Variants in RAPGEF4 observed in about 807,000 individuals in gnomAD.
The protein encoded by RAPGEF4 is RAP guanine-nucleotide-exchange factor (GEF) 4.
Under a neutral mutation model 147.9 loss-of-function variants are expected in RAPGEF4, and 66 were observed. The observed-to-expected ratio is 0.45, with a 90% CI of 0.37 to 0.55. The LOEUF (loss-of-function observed/expected upper bound fraction) is 0.55. RAPGEF4 is among the 20% of genes least tolerant of loss of function. The pLI is 0.00. For synonymous variants in RAPGEF4, 419 were observed against 442.7 expected (o/e 0.95, Z 0.67); for missense variants, 1,071 against 1,257.3 (o/e 0.85, Z 2.24).
chr2:173,010,538 C>T (rs990187814), intron 17 of RAPGEF4, among the ~76,000 whole-genome samples: 1 of 152,204 alleles, frequency 6.6e-6, no homozygotes, highest in Non-Finnish European at 1.5e-5. Flanking sequence ...TGAAATGTTA[C>T]TCTTTTTAGA....
intron 14 of RAPGEF4, among the ~76,000 whole-genome samples, 159 bp from the exon 15 acceptor site, chr2:172,990,649 CCT>C (rs1692737299): frequency 1.3e-5 from 2 of 152,168 alleles, no homozygotes; most frequent in Admixed American, 6.5e-5. Flanking sequence ...CTCATCTGGT[CCT>C]CTCTCTGACC....
At chr2:173,022,490 C>T (rs1310979807) in intron 23 of RAPGEF4, among the ~76,000 whole-genome samples, 1 of 152,218 alleles carries the variant, frequency 6.6e-6, no homozygotes, top group East Asian at 1.9e-4. Flanking sequence ...CTCTGGCTTT[C>T]TAAAGATTCC....
chr2:172,898,430 C>A (rs1234963763), intron 4 of RAPGEF4, among the ~76,000 whole-genome samples: 3 of 152,056 alleles, frequency 2.0e-5, no homozygotes, highest in African/African-American at 4.8e-5. Context: ...CTTTTTTGCC[C>A]CCCACCATTT....
At chr2:172,852,667 A>G (rs915981191) in intron 4 of RAPGEF4, among the ~76,000 whole-genome samples, 1 of 152,164 alleles carries the variant, frequency 6.6e-6, no homozygotes, top group Non-Finnish European at 1.5e-5. Context: ...GACCACCAGC[A>G]CAGGGGTGAA....
chr2:172,867,510 C>T (rs1256062955), intron 4 of RAPGEF4, among the ~76,000 whole-genome samples: 2 of 152,026 alleles, frequency 1.3e-5, no homozygotes, highest in Non-Finnish European at 2.9e-5. Context: ...GACTCTTGAC[C>T]CTTGAACATG....
intron 4 of RAPGEF4, among the ~76,000 whole-genome samples, chr2:172,908,526 G>A (rs1252293256): frequency 2.0e-5 from 3 of 152,218 alleles, no homozygotes; most frequent in Admixed American, 2.0e-4. Context: ...CTAACACTTC[G>A]TAGACAAATC....
intron 6 of RAPGEF4, among the ~76,000 whole-genome samples, chr2:172,949,028 G>A (rs986552859): frequency 2.6e-5 from 4 of 152,176 alleles, no homozygotes; most frequent in African/African-American, 9.7e-5. Flanking sequence ...GAACTGAAGG[G>A]AAATGTTATT....
intron 1 of RAPGEF4, among the ~76,000 whole-genome samples, chr2:172,752,711 A>G (rs79781902): frequency 0.015 from 2,301 of 152,328 alleles, 57 homozygotes; most frequent in African/African-American, 0.049. Context: ...GTGTGCAGCT[A>G]TAGAACATAC....
chr2:172,838,396 A>G (rs1467664306), intron 4 of RAPGEF4, among the ~76,000 whole-genome samples: 2 of 152,120 alleles, frequency 1.3e-5, no homozygotes, highest in East Asian at 3.8e-4. Flanking sequence ...TATCCCTGCA[A>G]TTAGGTTTAG....
At chr2:172,860,002 G>C (rs866484446) in intron 4 of RAPGEF4, 1 of 984,052 alleles carries the variant, frequency 1.0e-6, no homozygotes, top group South Asian at 4.7e-5. Flanking sequence ...AGGGAGGGGT[G>C]GGGGACAACA....
chr2:172,743,128 C>T (rs1574659920), intron 1 of RAPGEF4, among the ~76,000 whole-genome samples: 1 of 152,186 alleles, frequency 6.6e-6, no homozygotes, highest in South Asian at 2.1e-4. Context: ...CACGTTTGTG[C>T]ATCCTCAACA....
intron 4 of RAPGEF4, among the ~76,000 whole-genome samples, chr2:172,849,251 AT>A (rs1422699159): frequency 2.0e-5 from 3 of 152,236 alleles, no homozygotes; most frequent in African/African-American, 7.2e-5. Context: ...ATAAAAAACA[AT>A]ATGACAGAAC....
intron 4 of RAPGEF4, among the ~76,000 whole-genome samples, chr2:172,833,618 A>G (rs1690612248): frequency 1.3e-5 from 2 of 152,098 alleles, no homozygotes; most frequent in Non-Finnish European, 2.9e-5. Context: ...TCAGTACTCT[A>G]TTGGGTTGTA....
At chr2:172,789,407 G>A (rs1685578117) in intron 1 of RAPGEF4, among the ~76,000 whole-genome samples, 1 of 152,132 alleles carries the variant, frequency 6.6e-6, no homozygotes, top group Non-Finnish European at 1.5e-5. Flanking sequence ...TTATGATCCT[G>A]CGTTCTACAG....
At chr2:172,968,465 G>C (rs1690101305) in intron 10 of RAPGEF4, among the ~76,000 whole-genome samples, 1 of 152,268 alleles carries the variant, frequency 6.6e-6, no homozygotes, top group Non-Finnish European at 1.5e-5. Flanking sequence ...CTCTCTGAAG[G>C]CACTTTAATT....
chr2:172,959,014 CTT>C (rs1053410724), intron 6 of RAPGEF4, among the ~76,000 whole-genome samples: 1 of 152,108 alleles, frequency 6.6e-6, no homozygotes, highest in African/African-American at 2.4e-5. Flanking sequence ...AGAGGGAAAA[CTT>C]ATCAATTTAT....
intron 29 of RAPGEF4, among the ~76,000 whole-genome samples, chr2:173,043,441 T>C (rs986667094): frequency 2.0e-5 from 3 of 152,146 alleles, no homozygotes; most frequent in African/African-American, 7.2e-5. Context: ...AGGAAGGCTA[T>C]TGTGGCCGCT....
chr2:172,960,875 G>A (rs1405254161), intron 7 of RAPGEF4, 62 bp downstream of exon 7: 1 of 1,343,598 alleles, frequency 7.4e-7, no homozygotes, highest in Non-Finnish European at 1.0e-6. Flanking sequence ...CTCTGGAGGT[G>A]GTCCATATGT....
At chr2:172,792,660 G>A (rs1685941577) in intron 1 of RAPGEF4, among the ~76,000 whole-genome samples, 1 of 152,160 alleles carries the variant, frequency 6.6e-6, no homozygotes, top group Non-Finnish European at 1.5e-5. Flanking sequence ...GCTCAGGAAA[G>A]CCTGTATCTT....
Sources: allele counts gnomAD v4.1 joint callset (sites outside exome capture counted in the v4.1 genomes callset), GRCh38; gene constraint gnomAD v4.1.1; transcripts MANE v1.5; gene names NCBI Gene and HGNC (gene_info 2026-07-23, HGNC 2026-07-21).